The following CCDC85A variants were observed in gnomAD, a reference collection of about 807,000 sequenced individuals.
The protein encoded by CCDC85A is coiled-coil domain containing 85A, also known as coiled-coil domain-containing protein 85A.
Under a neutral mutation model 50.2 loss-of-function variants are expected in CCDC85A, and 38 were observed. That is an observed-to-expected ratio of 0.76 (90% CI 0.58 to 0.99). CCDC85A has a LOEUF of 0.99. Ranked by LOEUF, CCDC85A falls within the 50% of genes least tolerant of loss-of-function variation. The probability of loss-of-function intolerance (pLI) is 0.00; values close to 1 mark genes in which losing one functional copy is unlikely to be tolerated. For missense variants in CCDC85A, 820 were observed against 742.0 expected (o/e 1.11, Z -1.22); for synonymous variants, 366 against 301.4 (o/e 1.21, Z -2.22).
intron 3 of CCDC85A, among the ~76,000 whole-genome samples, chr2:56,346,770 A>G (rs1674652308): frequency 6.6e-6 from 1 of 152,230 alleles, no homozygotes; most frequent in Non-Finnish European, 1.5e-5. Flanking sequence ...TTCCGAGCAC[A>G]TGAACAAATG....
intron 2 of CCDC85A, among the ~76,000 whole-genome samples, chr2:56,332,769 A>G (rs1287841465): frequency 6.7e-6 from 1 of 148,286 alleles, no homozygotes; most frequent in East Asian, 2.0e-4. Flanking sequence ...ATTACCCACC[A>G]CTGGTTGAAT....
chr2:56,351,397 T>G (rs1319657147), intron 3 of CCDC85A, among the ~76,000 whole-genome samples: 3 of 147,826 alleles, frequency 2.0e-5, no homozygotes, highest in African/African-American at 7.6e-5. Flanking sequence ...AAATGGTATT[T>G]CCAGTTCTAG....
intron 2 of CCDC85A, among the ~76,000 whole-genome samples, chr2:56,308,679 C>T (rs1558634040): frequency 6.6e-6 from 1 of 152,182 alleles, no homozygotes; most frequent in Non-Finnish European, 1.5e-5. Flanking sequence ...GAAACTTCAT[C>T]CCAAATGGCA....
rs147959092 is a variant in CCDC85A at position 56,350,024 on chromosome 2, A to G, written c.1317+7069A>G. ...TATTTGGAAAAAAAATGGAAAGGGA[A>G]TTATAAGAGAAGCTAATGTTGCCTT... On this transcript the variant is annotated intron_variant, in intron 3 of 5. Coordinates refer to ENST00000407595, the MANE Select transcript of CCDC85A (RefSeq NM_001080433.2). Among the ~76,000 whole-genome samples the G allele has an allele frequency of 3.3e-3, 498 of 151,814 alleles. 2 individuals are homozygous for G. Among genetic ancestry groups the G allele is most frequent in the African/African-American group, 0.012 (482 of 41,494 alleles).
At chr2:56,309,279 T>C (rs1672585225) in intron 2 of CCDC85A, among the ~76,000 whole-genome samples, 2 of 152,176 alleles carry the variant, frequency 1.3e-5, no homozygotes. Flanking sequence ...ACATCAGACC[T>C]AGCTCTTAAA....
At chr2:56,283,091 G>A (rs1310222742) in intron 2 of CCDC85A, among the ~76,000 whole-genome samples, 1 of 151,974 alleles carries the variant, frequency 6.6e-6, no homozygotes, top group East Asian at 1.9e-4. Flanking sequence ...TCATGTATCT[G>A]CAAATAAAGA....
intron 2 of CCDC85A, among the ~76,000 whole-genome samples, chr2:56,288,070 T>C (rs1671527627): frequency 6.6e-6 from 1 of 152,132 alleles, no homozygotes; most frequent in Admixed American, 6.5e-5. Flanking sequence ...CCTGAACCCA[T>C]ATCTTGGGAT....
intron 2 of CCDC85A, among the ~76,000 whole-genome samples, chr2:56,326,419 C>G (rs1467343728): frequency 6.6e-6 from 1 of 152,088 alleles, no homozygotes; most frequent in Non-Finnish European, 1.5e-5. Context: ...ATTGACTAGT[C>G]TGTTGTTGCC....
chr2:56,264,109 T>A (rs1670333971), intron 2 of CCDC85A, among the ~76,000 whole-genome samples: 1 of 152,216 alleles, frequency 6.6e-6, no homozygotes, highest in African/African-American at 2.4e-5. Flanking sequence ...GCCCTCAGGC[T>A]GTGGGTTGAA....
intron 2 of CCDC85A, among the ~76,000 whole-genome samples, chr2:56,326,432 G>C (rs1673475537): frequency 6.6e-6 from 1 of 152,112 alleles, no homozygotes; most frequent in Admixed American, 6.6e-5. Context: ...TTGTTGCCTA[G>C]TAAGTATTTA....
chr2:56,209,974 A>C (rs558220381), intron 2 of CCDC85A, among the ~76,000 whole-genome samples: 6 of 152,050 alleles, frequency 3.9e-5, no homozygotes, highest in Non-Finnish European at 8.8e-5. Flanking sequence ...CTTAAAACCC[A>C]TTAGAGATAC....
chr2:56,227,144 C>T (rs1668577102), intron 2 of CCDC85A, among the ~76,000 whole-genome samples: 1 of 152,218 alleles, frequency 6.6e-6, no homozygotes, highest in Middle Eastern at 3.4e-3. Context: ...GAACCAATGG[C>T]TTGTTGTTTC....
chr2:56,319,579 GAATA>G (rs1379917256), intron 2 of CCDC85A, among the ~76,000 whole-genome samples: 1 of 152,078 alleles, frequency 6.6e-6, no homozygotes, highest in Admixed American at 6.6e-5. Context: ...AAAGACAATA[GAATA>G]AATAAACAAT....
chr2:56,286,455 T>C (rs1359817120), intron 2 of CCDC85A, among the ~76,000 whole-genome samples: 2 of 152,174 alleles, frequency 1.3e-5, no homozygotes, highest in African/African-American at 4.8e-5. Context: ...ATAATTTCTA[T>C]TGATTTGTCT....
At chr2:56,252,205 C>A (rs1310278041) in intron 2 of CCDC85A, among the ~76,000 whole-genome samples, 2 of 152,066 alleles carry the variant, frequency 1.3e-5, no homozygotes, top group Admixed American at 6.6e-5. Flanking sequence ...TGCCACCATG[C>A]CCAGCTAATT....
intron 2 of CCDC85A, among the ~76,000 whole-genome samples, chr2:56,302,895 C>A (rs1672272540): frequency 6.6e-6 from 1 of 152,150 alleles, no homozygotes; most frequent in African/African-American, 2.4e-5. Flanking sequence ...GATGTACATA[C>A]TAACCCTGTG....
intron 2 of CCDC85A, among the ~76,000 whole-genome samples, chr2:56,315,711 G>A (rs558952131): frequency 2.6e-5 from 4 of 152,212 alleles, no homozygotes; most frequent in African/African-American, 9.6e-5. Flanking sequence ...GGCTATAAGG[G>A]CCAGCTCTTG....
intron 2 of CCDC85A, among the ~76,000 whole-genome samples, chr2:56,313,625 A>G (rs72803036): frequency 6.6e-6 from 1 of 152,158 alleles, no homozygotes; most frequent in Admixed American, 6.6e-5. Flanking sequence ...TACTGCTCTA[A>G]TAAATCATCT....
intron 4 of CCDC85A, among the ~76,000 whole-genome samples, chr2:56,375,425 C>T (rs1676287528): frequency 6.6e-6 from 1 of 152,166 alleles, no homozygotes. Flanking sequence ...TGTGATGTGT[C>T]TGCATATTCT....
Sources: allele counts gnomAD v4.1 joint callset (sites outside exome capture counted in the v4.1 genomes callset), GRCh38; gene constraint gnomAD v4.1.1; transcripts MANE v1.5; gene names NCBI Gene and HGNC (gene_info 2026-07-23, HGNC 2026-07-21).